The following RALYL variants were observed in gnomAD, a reference collection of about 807,000 sequenced individuals.
The protein encoded by RALYL is RNA-binding Raly-like protein.
A neutral mutation model predicts 35.1 loss-of-function variants in RALYL; 29 were observed. The ratio of observed to expected loss-of-function variants is 0.83; its 90% CI spans 0.61 to 1.13. The LOEUF is 1.13. Among genes scored for constraint, RALYL ranks in the 50% most tolerant of loss-of-function variants. The pLI is 0.00. For missense variants in RALYL, 359 were observed against 360.4 expected (o/e 1.00, Z 0.03); for synonymous variants, 120 against 127.6 (o/e 0.94, Z 0.40).
chr8:84,862,413 T>C lies in RALYL; in HGVS notation c.531T>C (p.Gly177=). The C allele has an allele frequency of 1.9e-6, 3 of 1,606,228 alleles. No individual in the cohort carries two copies. Among genetic ancestry groups the C allele is most frequent in the Non-Finnish European group, 2.5e-6 (3 of 1,176,848 alleles). ...GGAAAGGAGTCTTTTCCATGAAAGG[T>C]GGATCGAGATCTACTGCCAGTGGGT... is the stretch of plus-strand genomic sequence containing the variant. ...RRGKGVFSMK[G]GSRSTASGST... is the part of the protein sequence containing the mutation. Residue 177 remains glycine, a synonymous_variant, in exon 6 of 9, where the codon GGT becomes GGC. Coordinates refer to ENST00000521268, the MANE Select transcript of RALYL (RefSeq NM_173848.7).
intron 1 of RALYL, among the ~76,000 whole-genome samples, chr8:84,358,466 T>C (rs73296859): frequency 0.052 from 7,889 of 151,994 alleles, 275 homozygotes; most frequent in African/African-American, 0.092. Flanking sequence ...AACGATGTTG[T>C]TTATTGTTGT....
At chr8:84,697,343 C>A (rs369067905) in intron 2 of RALYL, among the ~76,000 whole-genome samples, 26 of 151,654 alleles carry the variant, frequency 1.7e-4, no homozygotes, top group African/African-American at 4.4e-4. Flanking sequence ...ATGTCTAGAC[C>A]AACATTTTCA....
At chr8:84,620,894 G>A (rs1821207072) in intron 2 of RALYL, among the ~76,000 whole-genome samples, 1 of 152,170 alleles carries the variant, frequency 6.6e-6, no homozygotes, top group African/African-American at 2.4e-5. Flanking sequence ...GTGCCTCCCA[G>A]TTAGGCTGCT....
intron 1 of RALYL, among the ~76,000 whole-genome samples, chr8:84,345,963 C>A (rs183316139): frequency 6.6e-6 from 1 of 152,226 alleles, no homozygotes; most frequent in African/African-American, 2.4e-5. Context: ...GTGAAACCTT[C>A]ACTCAACCCT....
chr8:84,442,496 A>G (rs1382923585), intron 1 of RALYL, among the ~76,000 whole-genome samples: 1 of 152,078 alleles, frequency 6.6e-6, no homozygotes, highest in African/African-American at 2.4e-5. Flanking sequence ...AAAGGCTGTG[A>G]AGACACAAAA....
At chr8:84,321,192 C>A (rs16912683) in intron 1 of RALYL, among the ~76,000 whole-genome samples, 7,184 of 152,102 alleles carry the variant, frequency 0.047, 264 homozygotes, top group African/African-American at 0.083. Flanking sequence ...CATTATAAAA[C>A]AAAATGCACG....
In RALYL at chr8:84,352,778, G is replaced by A. The variant is rs532806315; in HGVS notation, c.-24+168354G>A. ...TCCTTTTTCACATAATGAAACACACGTTTGGAAAGGTTAAACTATTTCCCC... is the reference window on the plus strand; with the variant it reads ...TCCTTTTTCACATAATGAAACACACATTTGGAAAGGTTAAACTATTTCCCC... On this transcript the variant is annotated intron_variant, in intron 1 of 8. Coordinates refer to ENST00000521268, the MANE Select transcript of RALYL (RefSeq NM_173848.7). Among the ~76,000 whole-genome samples the A allele has an allele frequency of 8.0e-5, 12 of 150,164 alleles. 1 individual carries two copies. Among genetic ancestry groups the A allele is most frequent in the African/African-American group, 2.0e-4 (8 of 40,358 alleles).
At chr8:84,483,480 AT>A (rs754911829) in intron 1 of RALYL, among the ~76,000 whole-genome samples, 26 of 152,218 alleles carry the variant, frequency 1.7e-4, no homozygotes, top group East Asian at 5.8e-4. Context: ...TAGGATGGTG[AT>A]ATTCTGGAAA....
chr8:84,567,417 G>A (rs539395647), intron 2 of RALYL, among the ~76,000 whole-genome samples: 1 of 151,830 alleles, frequency 6.6e-6, no homozygotes, highest in African/African-American at 2.4e-5. Context: ...GTATGTCCAT[G>A]TGTGGCCATT....
At chr8:84,481,616 TATATTC>T (rs1434936416) in intron 1 of RALYL, among the ~76,000 whole-genome samples, 1 of 152,176 alleles carries the variant, frequency 6.6e-6, no homozygotes, top group African/African-American at 2.4e-5. Context: ...ATAGTGATGA[TATATTC>T]ATACAACAGC....
At chr8:84,869,783 T>C (rs1839857333) in intron 6 of RALYL, among the ~76,000 whole-genome samples, 1 of 152,188 alleles carries the variant, frequency 6.6e-6, no homozygotes. Flanking sequence ...GACCCAAAGA[T>C]GATTAAAATA....
intron 2 of RALYL, among the ~76,000 whole-genome samples, chr8:84,621,155 A>G (rs1821315471): frequency 6.6e-6 from 1 of 152,034 alleles, no homozygotes; most frequent in Admixed American, 6.5e-5. Flanking sequence ...TTACCTAAGC[A>G]CGCCTGGGCA....
At chr8:84,866,981 C>T (rs1486403809) in intron 6 of RALYL, among the ~76,000 whole-genome samples, 1 of 152,098 alleles carries the variant, frequency 6.6e-6, no homozygotes. Flanking sequence ...TAACAAAGTA[C>T]CACAGTTCGG....
At chr8:84,857,055 A>AAAAAAG (rs1837201549) in intron 5 of RALYL, among the ~76,000 whole-genome samples, 1 of 151,612 alleles carries the variant, frequency 6.6e-6, no homozygotes, top group African/African-American at 2.4e-5. Flanking sequence ...AAAAAAAAAA[A>AAAAAAG]AAAAGAATTA....
chr8:84,345,144 C>T (rs569635560), intron 1 of RALYL, among the ~76,000 whole-genome samples: 1 of 150,302 alleles, frequency 6.7e-6, no homozygotes, highest in African/African-American at 2.4e-5. Flanking sequence ...CCCATAATGG[C>T]CATACTATTT....
At chr8:84,404,805 G>GT (rs1022175796) in intron 1 of RALYL, among the ~76,000 whole-genome samples, 15 of 151,748 alleles carry the variant, frequency 9.9e-5, no homozygotes, top group Admixed American at 2.6e-4. Flanking sequence ...TGGTCCAGAA[G>GT]TTTTTTTTGG....
At chr8:84,890,764 G>T (rs1478536868) in intron 8 of RALYL, among the ~76,000 whole-genome samples, 1 of 151,438 alleles carries the variant, frequency 6.6e-6, no homozygotes, top group Non-Finnish European at 1.5e-5. Context: ...CATGAAGAAA[G>T]CAAACATGTT....
intron 1 of RALYL, among the ~76,000 whole-genome samples, chr8:84,340,942 A>G (rs994097510): frequency 1.3e-5 from 2 of 152,010 alleles, no homozygotes; most frequent in African/African-American, 4.8e-5. Context: ...ATACTGTATA[A>G]TGGTTCCAGT....
chr8:84,228,192 T>C (rs1246487332), intron 1 of RALYL, among the ~76,000 whole-genome samples: 7 of 150,958 alleles, frequency 4.6e-5, no homozygotes, highest in Admixed American at 4.6e-4. Flanking sequence ...TTGTGGTAGT[T>C]AATGTTCCAG....
Sources: gnomAD v4.1 joint callset for allele counts (sites outside exome capture counted in the v4.1 genomes callset) on GRCh38, gnomAD v4.1.1 for gene constraint, MANE v1.5 for transcripts, NCBI Gene and HGNC (gene_info 2026-07-23, HGNC 2026-07-21) for gene names.